ARHGEF3: variants seen among roughly 807,000 people sequenced by gnomAD.
ARHGEF3 encodes Rho guanine nucleotide exchange factor 3.
A neutral mutation model predicts 63.2 loss-of-function variants in ARHGEF3; 28 were observed. The observed-to-expected ratio is 0.44, with a 90% CI of 0.33 to 0.61. ARHGEF3 has a LOEUF of 0.61. Among genes scored for constraint, ARHGEF3 ranks in the 20% least tolerant of loss-of-function variants. The pLI is 0.03. For missense variants in ARHGEF3, 533 were observed against 659.3 expected, an observed-to-expected ratio of 0.81 and a Z score of 2.10; for synonymous variants, 266 against 254.2, an observed-to-expected ratio of 1.05 and a Z score of -0.44.
At chr3:57,038,681 G>T (rs1372064702) in intron 1 of ARHGEF3, among the ~76,000 whole-genome samples, 1 of 152,140 alleles carries the variant, frequency 6.6e-6, no homozygotes, top group African/African-American at 2.4e-5. Flanking sequence ...CTGGCCTCAA[G>T]CAATTCTTGC....
chr3:57,073,295 C>A (rs1371641719), intron 1 of ARHGEF3: 1 of 163,506 alleles, frequency 6.1e-6, no homozygotes, highest in Non-Finnish European at 1.3e-5. Flanking sequence ...ACTTTTAACT[C>A]TACAACTTCT....
chr3:57,054,695 G>T (rs144269247), intron 1 of ARHGEF3, among the ~76,000 whole-genome samples: 2,820 of 146,834 alleles, frequency 0.019, 95 homozygotes, highest in African/African-American at 0.066. Context: ...CCAGGCTGGA[G>T]TGCAGTAGTG....
chr3:56,932,931 T>C (rs1199525123), intron 3 of ARHGEF3, among the ~76,000 whole-genome samples: 1 of 152,242 alleles, frequency 6.6e-6, no homozygotes, highest in Non-Finnish European at 1.5e-5. Context: ...AAACAAGATG[T>C]TAATTTGTAC....
intron 2 of ARHGEF3, among the ~76,000 whole-genome samples, chr3:56,985,504 T>G (rs994129208): frequency 6.6e-6 from 1 of 152,212 alleles, no homozygotes; most frequent in African/African-American, 2.4e-5. Flanking sequence ...AGGGCGACAA[T>G]GTGACATATT....
intron 2 of ARHGEF3, among the ~76,000 whole-genome samples, chr3:57,027,312 G>A (rs952813745): frequency 1.2e-4 from 18 of 152,112 alleles, no homozygotes; most frequent in African/African-American, 3.6e-4. Flanking sequence ...TGTCACTGGC[G>A]CCACCCTATG....
chr3:56,932,551 TCA>T (rs1405071949), intron 3 of ARHGEF3, among the ~76,000 whole-genome samples: 2 of 150,304 alleles, frequency 1.3e-5, no homozygotes, highest in African/African-American at 2.4e-5. Flanking sequence ...TAGTGGGCAT[TCA>T]CACTTTTTCC....
At chr3:56,940,188 G>A (rs543067217) in intron 3 of ARHGEF3, 3 of 152,276 alleles carry the variant, frequency 2.0e-5, no homozygotes, top group Admixed American at 1.3e-4. Context: ...GTACTTCTGA[G>A]CCTCCACTGC....
intron 8 of ARHGEF3, among the ~76,000 whole-genome samples, chr3:56,733,842 G>T (rs1051181886): frequency 6.6e-6 from 1 of 151,954 alleles, no homozygotes. Flanking sequence ...AAATTAGCGA[G>T]GCGCGGTGGC....
chr3:56,891,371 T>C (rs2108282545), intron 3 of ARHGEF3, among the ~76,000 whole-genome samples: 1 of 152,008 alleles, frequency 6.6e-6, no homozygotes, highest in East Asian at 1.9e-4. Flanking sequence ...TTCCTTATTT[T>C]TAAAACATCC....
At chr3:56,968,350 A>AT (rs1700758704) in intron 2 of ARHGEF3, among the ~76,000 whole-genome samples, 1 of 108,618 alleles carries the variant, frequency 9.2e-6, no homozygotes, top group African/African-American at 3.4e-5. Context: ...TAATATATAT[A>AT]TTTTTTGAGA....
Position 57,035,659 on chromosome 3 carries a change from T to A in ARHGEF3, c.-27-483A>T, listed in dbSNP as rs539996574. On this transcript the variant is annotated intron_variant, in intron 1 of 12. Coordinates refer to the ARHGEF3 transcript ENST00000338458. ...CCACTGCGCTCCGCCAGGTACCACATTTTCCAAGCATCCCTGCAGGGAGAT... is the reference window on the plus strand; with the variant it reads ...CCACTGCGCTCCGCCAGGTACCACAATTTCCAAGCATCCCTGCAGGGAGAT... Among the ~76,000 whole-genome samples the A allele has an allele frequency of 2.0e-5, 3 of 152,362 alleles. No homozygotes were observed. In the South Asian group the frequency reaches 6.2e-4, roughly 32 times the overall value.
intron 1 of ARHGEF3, among the ~76,000 whole-genome samples, chr3:56,783,599 A>C (rs1253997820): frequency 6.6e-6 from 1 of 152,200 alleles, no homozygotes; most frequent in Non-Finnish European, 1.5e-5. Context: ...TATGGGCTGA[A>C]AAAAAGAGCC....
At chr3:56,888,103 C>CT (rs3034853) in intron 3 of ARHGEF3, among the ~76,000 whole-genome samples, 17 of 143,008 alleles carry the variant, frequency 1.2e-4, no homozygotes, top group African/African-American at 3.6e-4. Flanking sequence ...CAAATAAGAG[C>CT]TTTTTTTTTT....
At chr3:56,917,565 A>C (rs2042019222) in intron 3 of ARHGEF3, among the ~76,000 whole-genome samples, 1 of 152,192 alleles carries the variant, frequency 6.6e-6, no homozygotes. Context: ...GGCTCTTTCC[A>C]TTCACGTTGC....
Position 56,745,454 on chromosome 3 carries a change from G to C in ARHGEF3, c.621C>G (p.Cys207Trp), listed in dbSNP as rs1410621191. 6.2e-7 allele frequency: 1 copy of C among 1,613,526 alleles called. No individual in the cohort carries two copies. The highest frequency in any genetic ancestry group is 8.5e-7 in the Non-Finnish European group (1 of 1,179,758). Residue 207 changes from cysteine to tryptophan, a missense_variant, in exon 7 of 10, where the codon TGC (cysteine) becomes TGG (tryptophan). Around this residue, in one of 4 missense-constraint regions of ARHGEF3, gnomAD observed 107 missense variants for 207.9 expected, o/e 0.51. Transcript: ENST00000296315. ...VGPILVGWLP[C>W]LSSYDSYCSN... ...TGCAGTAGCTATCATAGGAGCTGAG[G>C]CAAGGGAGCTAAGAAGGAAACAGAA...
At chr3:56,843,406 G>A (rs1007830020) in intron 4 of ARHGEF3, among the ~76,000 whole-genome samples, 2 of 150,962 alleles carry the variant, frequency 1.3e-5, no homozygotes, top group Non-Finnish European at 2.9e-5. Context: ...CTACAGGTAT[G>A]TGCCACCATG....
chr3:57,068,982 C>T (rs1032603743), intron 1 of ARHGEF3, among the ~76,000 whole-genome samples: 8 of 149,282 alleles, frequency 5.4e-5, no homozygotes, highest in African/African-American at 9.9e-5. Flanking sequence ...AGTGCTATGA[C>T]GTGATCTTGG....
At chr3:56,746,369 C>A (rs2034383898) in intron 6 of ARHGEF3, among the ~76,000 whole-genome samples, 1 of 152,162 alleles carries the variant, frequency 6.6e-6, no homozygotes, top group African/African-American at 2.4e-5. Flanking sequence ...TCTGAATGAA[C>A]AAATAAATGC....
In ARHGEF3 at chr3:56,751,400, C is replaced by T; in HGVS notation, c.439-4G>A. 4 of 1,611,300 alleles carry T rather than the reference C, an allele frequency of 2.5e-6. No homozygotes were observed. Among genetic ancestry groups the T allele is most frequent in the Non-Finnish European group, 3.4e-6 (4 of 1,177,570 alleles). On this transcript the variant is annotated splice_region_variant and splice_polypyrimidine_tract_variant and intron_variant, in intron 4 of 9. Transcript: ENST00000296315. ...TCAGCATGGGGTCATGATAGGCCTG[C>T]ACAAAAACGGCAAGAGATGGAAGCA...
Sources: allele counts gnomAD v4.1 joint callset (sites outside exome capture counted in the v4.1 genomes callset), GRCh38; gene constraint gnomAD v4.1.1; regional missense constraint gnomAD v4.1.1; transcripts MANE v1.5; gene names NCBI Gene and HGNC (gene_info 2026-07-23, HGNC 2026-07-21).